CSMD1: variants seen among roughly 807,000 people sequenced by gnomAD.
CSMD1 encodes CUB and Sushi multiple domains 1.
Under a neutral mutation model 417.5 loss-of-function variants are expected in CSMD1, and 213 were observed. The ratio of observed to expected loss-of-function variants is 0.51; its 90% CI spans 0.46 to 0.57. CSMD1 has a LOEUF of 0.57. Among genes scored for constraint, CSMD1 ranks in the 20% least tolerant of loss-of-function variants. CSMD1 has a pLI of 0.00. For missense variants in CSMD1, 6,923 were observed against 4,529.7 expected (o/e 1.53, Z -15.17); for synonymous variants, 2,862 against 1,736.8 (o/e 1.65, Z -16.11).
chr8:3,387,103 A>G (rs1289808633), intron 18 of CSMD1, among the ~76,000 whole-genome samples: 1 of 152,148 alleles, frequency 6.6e-6, no homozygotes, highest in African/African-American at 2.4e-5. Flanking sequence ...AAACAAAGAC[A>G]CGGACTGTAG....
chr8:4,411,222 TATTA>T (rs377762569), intron 3 of CSMD1, among the ~76,000 whole-genome samples: 141 of 152,278 alleles, frequency 9.3e-4, no homozygotes, highest in African/African-American at 2.8e-3. Flanking sequence ...CAAGTACAAA[TATTA>T]ATTAATACAT....
chr8:3,452,257 T>G (rs1345981080), intron 12 of CSMD1, among the ~76,000 whole-genome samples: 1 of 152,224 alleles, frequency 6.6e-6, no homozygotes, highest in Non-Finnish European at 1.5e-5. Context: ...TCATGTCATC[T>G]GGAAAAAGGG....
intron 40 of CSMD1, among the ~76,000 whole-genome samples, chr8:3,145,474 G>A (rs938542003): frequency 1.3e-5 from 2 of 152,146 alleles, no homozygotes. Flanking sequence ...CAAAAGTACA[G>A]GATCTAGTGA....
chr8:3,384,365 G>A (rs1585084853), intron 18 of CSMD1, among the ~76,000 whole-genome samples: 1 of 151,618 alleles, frequency 6.6e-6, no homozygotes, highest in African/African-American at 2.4e-5. Context: ...GTCTTAATAG[G>A]ATATCCCTTT....
At chr8:4,647,882 T>G (rs2130886100) in intron 1 of CSMD1, among the ~76,000 whole-genome samples, 1 of 152,360 alleles carries the variant, frequency 6.6e-6, no homozygotes, top group Middle Eastern at 3.4e-3. Flanking sequence ...GACATACATG[T>G]GCATGTGTCT....
At chr8:3,808,602 G>A (rs568262938) in intron 5 of CSMD1, among the ~76,000 whole-genome samples, 3 of 152,280 alleles carry the variant, frequency 2.0e-5, no homozygotes, top group African/African-American at 4.8e-5. Flanking sequence ...GCACACTGCT[G>A]TCACTATTAT....
At chr8:3,398,831 C>T (rs1156507251) in intron 16 of CSMD1, among the ~76,000 whole-genome samples, 1 of 152,160 alleles carries the variant, frequency 6.6e-6, no homozygotes, top group African/African-American at 2.4e-5. Flanking sequence ...ACCTACGCAG[C>T]CCAGCATGCT....
chr8:3,649,571 A>G (rs138024252), intron 7 of CSMD1, among the ~76,000 whole-genome samples: 1 of 152,246 alleles, frequency 6.6e-6, no homozygotes, highest in East Asian at 1.9e-4. Context: ...TGCTGTGCAA[A>G]GTGGGGAGAG....
At chr8:3,781,167 T>A (rs556189931) in intron 5 of CSMD1, among the ~76,000 whole-genome samples, 2 of 152,152 alleles carry the variant, frequency 1.3e-5, no homozygotes, top group Non-Finnish European at 2.9e-5. Flanking sequence ...AAGACAAAGA[T>A]TGGTGATTAT....
chr8:3,481,717 C>G (rs547723200), intron 11 of CSMD1, among the ~76,000 whole-genome samples: 25 of 152,258 alleles, frequency 1.6e-4, no homozygotes, highest in South Asian at 1.2e-3. Context: ...TCTCGTGACT[C>G]TGAATTCAGA....
chr8:4,337,814 A>G (rs1800256683), intron 3 of CSMD1, among the ~76,000 whole-genome samples: 1 of 152,158 alleles, frequency 6.6e-6, no homozygotes, highest in South Asian at 2.1e-4. Flanking sequence ...AATCAGTAGA[A>G]TAAATCAGGT....
At chr8:3,069,969 G>A (rs555345161) in intron 49 of CSMD1, among the ~76,000 whole-genome samples, 145 of 152,316 alleles carry the variant, frequency 9.5e-4, no homozygotes, top group African/African-American at 2.9e-3. Flanking sequence ...AACGCCACAC[G>A]GAAGCTGTCA....
intron 3 of CSMD1, among the ~76,000 whole-genome samples, chr8:4,355,323 A>ATG (rs1554442959): frequency 9.4e-6 from 1 of 106,268 alleles, no homozygotes; most frequent in South Asian, 3.5e-4. Flanking sequence ...ACACACACAC[A>ATG]CGCACACACA....
At chr8:3,010,981 C>T (rs1808342716) in intron 52 of CSMD1, among the ~76,000 whole-genome samples, 1 of 152,102 alleles carries the variant, frequency 6.6e-6, no homozygotes, top group Non-Finnish European at 1.5e-5. Flanking sequence ...CCACCTCGGC[C>T]TCCCAAAGTG....
intron 5 of CSMD1, among the ~76,000 whole-genome samples, chr8:3,926,098 C>CACAAACACCAT (rs1563218218): frequency 1.6e-4 from 13 of 81,934 alleles, no homozygotes; most frequent in African/African-American, 6.8e-4. Flanking sequence ...CACACACACA[C>CACAAACACCAT]ACACACACAC....
intron 3 of CSMD1, among the ~76,000 whole-genome samples, chr8:4,290,409 A>C (rs905787768): frequency 1.3e-5 from 2 of 152,210 alleles, no homozygotes; most frequent in Non-Finnish European, 2.9e-5. Context: ...ACAGATCAGA[A>C]AGGTCTCTAA....
At chr8:3,835,293 C>A (rs1802616018) in intron 5 of CSMD1, among the ~76,000 whole-genome samples, 1 of 152,024 alleles carries the variant, frequency 6.6e-6, no homozygotes, top group Admixed American at 6.5e-5. Context: ...GCACTATTCA[C>A]AATAGCAAAG....
At chr8:3,041,204 C>A (rs1276268066) in intron 50 of CSMD1, among the ~76,000 whole-genome samples, 1 of 151,994 alleles carries the variant, frequency 6.6e-6, no homozygotes, top group Admixed American at 6.6e-5. Flanking sequence ...AGGGTTAAAG[C>A]AAATAATTTA....
chr8:4,317,734 A>G (rs1799017456), intron 3 of CSMD1, among the ~76,000 whole-genome samples: 1 of 152,152 alleles, frequency 6.6e-6, no homozygotes, highest in Admixed American at 6.5e-5. Flanking sequence ...AGCTGAGTAC[A>G]TGTCTGTACC....
Sources: gnomAD v4.1 joint callset for allele counts (sites outside exome capture counted in the v4.1 genomes callset) on GRCh38, gnomAD v4.1.1 for gene constraint, MANE v1.5 for transcripts, NCBI Gene and HGNC (gene_info 2026-07-23, HGNC 2026-07-21) for gene names.